RHCG: variants seen among roughly 807,000 people sequenced by gnomAD.
RHCG encodes the protein ammonium transporter Rh type C.
In RHCG, 39 loss-of-function variants were observed where a neutral mutation model predicts 55.3. The ratio of observed to expected loss-of-function variants is 0.70; its 90% CI spans 0.55 to 0.92. The LOEUF (loss-of-function observed/expected upper bound fraction) is 0.92, where lower values mean the gene tolerates loss of function less well. Ranked by LOEUF, RHCG falls within the 40% of genes least tolerant of loss-of-function variation. RHCG has a pLI of 0.00. For missense variants in RHCG, 635 were observed against 627.9 expected (o/e 1.01, Z -0.12); for synonymous variants, 250 against 246.8 (o/e 1.01, Z -0.12).
At chr15:89,496,197 C>T (rs1210605216) in intron 1 of RHCG, among the ~76,000 whole-genome samples, 164 bp downstream of exon 1, 2 of 152,190 alleles carry the variant, frequency 1.3e-5, no homozygotes, top group East Asian at 3.9e-4. Flanking sequence ...GGAGTTTGTG[C>T]ACATCTGACA....
chr15:89,489,416 A>G (rs1961433572), intron 1 of RHCG, among the ~76,000 whole-genome samples: 1 of 152,062 alleles, frequency 6.6e-6, no homozygotes, highest in South Asian at 2.1e-4. Context: ...GAACCACTGC[A>G]CCTGGCCAGA....
rs2141889365 is a variant in RHCG at position 89,477,371 on chromosome 15, T to C, written c.1112+146A>G. On this transcript the variant is annotated intron_variant, in intron 7 of 10. Coordinates refer to ENST00000268122, the MANE Select transcript of RHCG (RefSeq NM_016321.3). This position sits in a 1 kb window ranked among gnomAD's most constrained non-coding sequence, Gnocchi z 4.5. Reference sequence around the variant, plus strand: ...CCTCTAAAACTCTAAGGGACAGAGTTTGGGGAGAGAGACCCATGAAACAAT... The same window carrying C: ...CCTCTAAAACTCTAAGGGACAGAGTCTGGGGAGAGAGACCCATGAAACAAT... 12 of 1,393,626 alleles carry C rather than the reference T, an allele frequency of 8.6e-6. No individual in the cohort carries two copies. The highest frequency in any genetic ancestry group is 2.7e-5 in the South Asian group (2 of 74,896). The allele number at this position is 1,393,626 out of a possible 1,614,324, so 86.3% of individuals were successfully genotyped here. A position where few individuals can be genotyped will look rare whatever the true frequency, so the allele number is the denominator to read the frequency against.
chr15:89,491,321 G>A (rs1016892919), intron 1 of RHCG, among the ~76,000 whole-genome samples: 28 of 151,970 alleles, frequency 1.8e-4, no homozygotes, highest in East Asian at 1.9e-4. Context: ...TCTTCCCTCC[G>A]TCAGGAACAC....
Position 89,477,927 on chromosome 15 carries a change from G to A in RHCG, c.885C>T (p.Thr295=), listed in dbSNP as rs780061041. The change falls in exon 6 of 11, where the codon ACC becomes ACT. Residue 295 remains threonine (T), a synonymous_variant. Coordinates refer to ENST00000268122, the MANE Select transcript of RHCG (RefSeq NM_016321.3). The surrounding 1 kb of genome is among the most constrained non-coding windows in gnomAD (Gnocchi z 4.5). ...AAGGCATGAGCATCATCTCAGCAGC[G>A]GTACCCACGGCCACCCCTCCTGCGA... ...ATLAGGVAVG[T]AAEMMLMPYG... 3.7e-6 allele frequency: 6 copies of A among 1,613,396 alleles called. No homozygotes were observed. Among genetic ancestry groups the A allele is most frequent in the Middle Eastern group, 1.7e-4 (1 of 6,054 alleles).
At chr15:89,496,036 C>CTGGT (rs999159448) in intron 1 of RHCG, among the ~76,000 whole-genome samples, 3 of 152,204 alleles carry the variant, frequency 2.0e-5, no homozygotes, top group Non-Finnish European at 2.9e-5. Flanking sequence ...AGGTCATCCA[C>CTGGT]TGGTTGGTAA....
chr15:89,474,456 G>T lies in RHCG; in HGVS notation c.1312-1593C>A, dbSNP rs554413211. On this transcript the variant is annotated intron_variant, in intron 9 of 10. Coordinates refer to ENST00000268122, the MANE Select transcript of RHCG (RefSeq NM_016321.3). Reference sequence around the variant, plus strand: ...TCCCAGGAGCCACAGACACAGGCGGGTCCTCACCCTTGTCATGAGAGGACA... The same window carrying T: ...TCCCAGGAGCCACAGACACAGGCGGTTCCTCACCCTTGTCATGAGAGGACA... Among the ~76,000 whole-genome samples, 15 of 152,318 alleles carry T rather than the reference G, an allele frequency of 9.8e-5. No individual in the cohort carries two copies. The South Asian group carries it at 3.1e-3, about 32-fold the overall frequency.
At chr15:89,481,696 A>G (rs973819087) in intron 3 of RHCG, among the ~76,000 whole-genome samples, 3 of 152,240 alleles carry the variant, frequency 2.0e-5, no homozygotes, top group African/African-American at 7.2e-5. Context: ...GAAGTGCCTT[A>G]TAACAAGTTT....
At position 89,474,993 on chromosome 15, in the gene RHCG, C is replaced by T. The variant is rs1961114840; in HGVS notation, c.1311+1762G>A. On this transcript the variant is annotated intron_variant, in intron 9 of 10. Transcript: ENST00000268122. Reference sequence around the variant, plus strand: ...GCCTTCATTCATTCCTGCCTGCCTGCCTTCCTTCCTTCCTGCCCGCCTTCC... The same window carrying T: ...GCCTTCATTCATTCCTGCCTGCCTGTCTTCCTTCCTTCCTGCCCGCCTTCC... Among the ~76,000 whole-genome samples, 3 of 140,076 alleles carry T rather than the reference C, an allele frequency of 2.1e-5. 1 individual carries two copies. The highest frequency in any genetic ancestry group is 9.2e-5 in the African/African-American group (3 of 32,560). The allele number at this position is 140,076 out of a possible 152,430, so 91.9% of individuals were successfully genotyped here.
chr15:89,477,116 G>A lies in RHCG; in HGVS notation c.1203C>T (p.Thr401=). ...TGCCACCCATCAGGGCCATGGCCAG[G>A]GTCACCAAGAGACCATAAATCTGGA... is the stretch of plus-strand genomic sequence containing the variant. The part of the protein sequence containing the change: ...GKFQIYGLLV[T]LAMALMGGII... Residue 401 remains threonine (T), a synonymous_variant, in exon 8 of 11, where the codon ACC becomes ACT. Transcript: ENST00000268122. This position sits in a 1 kb window ranked among gnomAD's most constrained non-coding sequence, Gnocchi z 4.5. 6.2e-7 allele frequency: 1 copy of A among 1,614,018 alleles called. No individual in the cohort carries two copies. Among genetic ancestry groups the A allele is most frequent in the Non-Finnish European group, 8.5e-7 (1 of 1,180,010 alleles).
intron 1 of RHCG, among the ~76,000 whole-genome samples, chr15:89,490,487 G>T (rs969450350): frequency 1.3e-5 from 2 of 152,216 alleles, no homozygotes; most frequent in South Asian, 4.1e-4. Context: ...ATGTATGATC[G>T]TGTTGCAGGG....
chr15:89,490,425 A>C (rs1255399486), intron 1 of RHCG, among the ~76,000 whole-genome samples: 1 of 152,268 alleles, frequency 6.6e-6, no homozygotes, highest in East Asian at 1.9e-4. Flanking sequence ...TGCTGAGTTT[A>C]CATGAACAAA....
rs74889498 is a variant in RHCG, at chr15:89,489,057, A to T, written c.185-2072T>A. Among the ~76,000 whole-genome samples, 1,267 of 152,318 alleles carry T rather than the reference A, an allele frequency of 8.3e-3. 46 individuals are homozygous for T. Among genetic ancestry groups the T allele is most frequent in the East Asian group, 0.081 (422 of 5,186 alleles). ...TGTGCATGTGTGTATGTGCGTGTGC[A>T]TCCGTGTAGAGAAAGAGTGAGCAAA... On this transcript the variant is annotated intron_variant, in intron 1 of 10. Transcript: ENST00000268122.
Position 89,471,845 on chromosome 15 carries a change from G to A in RHCG, c.*35C>T, listed in dbSNP as rs1299540329. The A allele has an allele frequency of 6.6e-6, 1 of 152,588 alleles. No individual in the cohort carries two copies. Among genetic ancestry groups the A allele is most frequent in the Admixed American group, 6.5e-5 (1 of 15,288 alleles). The allele number at this position is 152,588 out of a possible 1,614,324, so 9.5% of individuals were successfully genotyped here. Reference sequence around the variant, plus strand: ...ACCAGCTCCTCTGGGCCCCAGGACAGTCTGTGGAGCCTGCAGGGAGACAGC... The same window carrying A: ...ACCAGCTCCTCTGGGCCCCAGGACAATCTGTGGAGCCTGCAGGGAGACAGC... On this transcript the variant is annotated 3_prime_UTR_variant, in exon 11 of 11. Coordinates refer to ENST00000268122, the MANE Select transcript of RHCG (RefSeq NM_016321.3).
In RHCG at chr15:89,472,785, G is replaced by A; in HGVS notation, c.1390C>T (p.Pro464Ser). ...KPSGPSVPSV[P>S]MVSPLPMASS... Reference sequence around the variant, plus strand: ...GCCATGGGTAGTGGGGACACCATGGGTACTGAGGGTACTGAGGGTCCTGAG... The same window carrying A: ...GCCATGGGTAGTGGGGACACCATGGATACTGAGGGTACTGAGGGTCCTGAG... The change falls in exon 10 of 11, where the codon CCC (proline) becomes TCC (serine). Residue 464 changes from proline (P) to serine (S), a missense_variant. Transcript: ENST00000268122. 1 of 1,564,800 alleles carries A rather than the reference G, an allele frequency of 6.4e-7. No homozygotes were observed. Among genetic ancestry groups the A allele is most frequent in the Non-Finnish European group, 8.7e-7 (1 of 1,154,424 alleles).
Position 89,472,822 on chromosome 15 carries a change from G to A in RHCG, c.1353C>T (p.Pro451=), listed in dbSNP as rs1414213396. 3 of 1,547,254 alleles carry A rather than the reference G, an allele frequency of 1.9e-6. No individual in the cohort carries two copies. The highest frequency in any genetic ancestry group is 1.7e-6 in the Non-Finnish European group (2 of 1,144,566). Residue 451 remains proline, a synonymous_variant, in exon 10 of 11, where the codon CCC becomes CCT. Coordinates refer to ENST00000268122, the MANE Select transcript of RHCG (RefSeq NM_016321.3). ...GNSTVYIPED[P]TFKPSGPSVP... is the part of the protein sequence containing the mutation. ...CTGAGGGTCCTGAGGGCTTGAAGGT[G>A]GGGTCCTCAGGGATGTAGACAGTGC... is the stretch of plus-strand genomic sequence containing the variant.
chr15:89,479,578 T>G, intron 4 of RHCG, 90 bp from the exon 5 acceptor site: 8 of 1,204,224 alleles, frequency 6.6e-6, no homozygotes, highest in Non-Finnish European at 9.3e-6. Context: ...CCTTTAGCTC[T>G]AGAGATGACC....
At position 89,477,068 on chromosome 15, in the gene RHCG, C is replaced by G; in HGVS notation, c.1237+14G>C. 1 of 1,614,034 alleles carries G rather than the reference C, an allele frequency of 6.2e-7. No homozygotes were observed. Among genetic ancestry groups the G allele is most frequent in the Non-Finnish European group, 8.5e-7 (1 of 1,179,948 alleles). On this transcript the variant is annotated intron_variant, in intron 8 of 10. Coordinates refer to ENST00000268122, the MANE Select transcript of RHCG (RefSeq NM_016321.3). This position sits in a 1 kb window ranked among gnomAD's most constrained non-coding sequence, Gnocchi z 4.5. Reference sequence around the variant, plus strand: ...GCAGCACCCCCCTTCTCTGGCTCAGCCATTCCTGCTCACCCACAATGATGC... The same window carrying G: ...GCAGCACCCCCCTTCTCTGGCTCAGGCATTCCTGCTCACCCACAATGATGC...
At chr15:89,487,865 C>T (rs936195667) in intron 1 of RHCG, among the ~76,000 whole-genome samples, 23 of 152,298 alleles carry the variant, frequency 1.5e-4, no homozygotes, top group African/African-American at 4.6e-4. Flanking sequence ...TGAGTTCTGA[C>T]CCAAGTCTTC....
chr15:89,478,118 G>A, intron 5 of RHCG, 144 bp from the exon 6 acceptor site: 1 of 1,070,536 alleles, frequency 9.3e-7, no homozygotes, highest in African/African-American at 1.6e-5. Context: ...AGCAAGCCAG[G>A]AGCCTGCAGA....
Sources: allele counts gnomAD v4.1 joint callset (sites outside exome capture counted in the v4.1 genomes callset), GRCh38; gene constraint gnomAD v4.1.1; non-coding constraint Gnocchi (gnomAD v3.1); transcripts MANE v1.5; gene names NCBI Gene and HGNC (gene_info 2026-07-23, HGNC 2026-07-21).